AQR: variants seen among roughly 807,000 people sequenced by gnomAD.
The protein encoded by AQR is RNA helicase aquarius.
In AQR, 61 loss-of-function variants were observed where a neutral mutation model predicts 180.5. The ratio of observed to expected loss-of-function variants is 0.34; its 90% confidence interval spans 0.28 to 0.42. AQR has a LOEUF of 0.42. Ranked by LOEUF, AQR falls within the 10% of genes least tolerant of loss-of-function variation. The pLI is 1.00. For synonymous variants in AQR, 551 were observed against 588.8 expected (o/e 0.94, Z 0.93); for missense variants, 1,281 against 1,798.3 (o/e 0.71, Z 5.20).
intron 10 of AQR, 113 bp downstream of exon 10, chr15:34,934,458 T>C: frequency 6.4e-6 from 3 of 470,032 alleles, no homozygotes; most frequent in South Asian, 8.8e-5. Context: ...AATAAATATA[T>C]ACATATGTAT....
intron 13 of AQR, among the ~76,000 whole-genome samples, chr15:34,926,134 CG>C (rs1158312214): frequency 4.0e-5 from 6 of 150,680 alleles, no homozygotes; most frequent in African/African-American, 1.5e-4. Context: ...CTGGCCTGGG[CG>C]AAAGAGCGAG....
chr15:34,931,260 G>A (rs1893855160), intron 11 of AQR, among the ~76,000 whole-genome samples: 1 of 152,096 alleles, frequency 6.6e-6, no homozygotes, highest in African/African-American at 2.4e-5. Flanking sequence ...CTCCCCTGTA[G>A]CAGCAGCATC....
intron 5 of AQR, among the ~76,000 whole-genome samples, chr15:34,947,292 T>C (rs1381946346): frequency 6.6e-6 from 1 of 151,528 alleles, no homozygotes; most frequent in Non-Finnish European, 1.5e-5. Flanking sequence ...TGTGCTTTGT[T>C]AAACAGATGC....
At chr15:34,907,666 T>G (rs930725088) in intron 17 of AQR, among the ~76,000 whole-genome samples, 1 of 152,204 alleles carries the variant, frequency 6.6e-6, no homozygotes, top group Non-Finnish European at 1.5e-5. Context: ...AATACTGACT[T>G]AATTATTTCC....
chr15:34,886,693 C>A, intron 24 of AQR, 32 bp from the exon 25 acceptor site: 1 of 1,583,734 alleles, frequency 6.3e-7, no homozygotes, highest in Non-Finnish European at 8.5e-7. Flanking sequence ...AATGACAAAA[C>A]TGTAATAAAG....
At position 34,884,567 on chromosome 15, in the gene AQR, T is replaced by G; in HGVS notation, c.2985A>C (p.Glu995Asp). Residue 995 changes from glutamate (E) to aspartate (D), a missense_variant, in exon 26 of 35, where the codon GAA (glutamate) becomes GAC (aspartate). This residue lies in a region of AQR where 125 missense variants were observed against 185.0 expected (regional missense o/e 0.68). Coordinates refer to ENST00000156471, the MANE Select transcript of AQR (RefSeq NM_014691.3). The part of the protein sequence containing the change: ...RSYEEDMEIA[E>D]GCFRHIKKIF... ...TTTTCTTAATATGCCTGAAACATCC[T>G]TCAGCAATTTCCATGTCTTCTTCAT... is the stretch of plus-strand genomic sequence containing the variant. The G allele has an allele frequency of 6.2e-7, 1 of 1,603,228 alleles. No individual in the cohort carries two copies. Among genetic ancestry groups the G allele is most frequent in the Non-Finnish European group, 8.5e-7 (1 of 1,177,226 alleles).
At chr15:34,962,179 A>AC (rs2050283440) in intron 2 of AQR, among the ~76,000 whole-genome samples, 1 of 151,768 alleles carries the variant, frequency 6.6e-6, no homozygotes, top group Non-Finnish European at 1.5e-5. Context: ...ACACCACCAT[A>AC]CCCACCTAAT....
At chr15:34,913,251 C>G (rs1893526638) in intron 16 of AQR, among the ~76,000 whole-genome samples, 1 of 152,136 alleles carries the variant, frequency 6.6e-6, no homozygotes, top group Non-Finnish European at 1.5e-5. Context: ...CCTTTCTCTT[C>G]TTATAAAATC....
At chr15:34,923,072 T>C (rs1261181545) in intron 13 of AQR, among the ~76,000 whole-genome samples, 2 of 152,216 alleles carry the variant, frequency 1.3e-5, no homozygotes, top group African/African-American at 2.4e-5. Flanking sequence ...TAGTTAAGTA[T>C]AGTAGAATAA....
Position 34,875,921 on chromosome 15 carries a change from C to A in AQR, c.3237+14G>T. 2 of 1,590,388 alleles carry A rather than the reference C, an allele frequency of 1.3e-6. No individual in the cohort carries two copies. Among genetic ancestry groups the A allele is most frequent in the African/African-American group, 2.7e-5 (2 of 74,472 alleles). On this transcript the variant is annotated intron_variant, in intron 28 of 34. Coordinates refer to ENST00000156471, the MANE Select transcript of AQR (RefSeq NM_014691.3). The stretch of plus-strand genomic sequence containing the variant: ...GAACTCTATTTTCTTTGCCTCAGAT[C>A]TTATATTTCTTACCTGTAGAAGAAG...
chr15:34,894,569 A>G (rs967273968), intron 22 of AQR, among the ~76,000 whole-genome samples: 1 of 152,214 alleles, frequency 6.6e-6, no homozygotes, highest in Admixed American at 6.5e-5. Context: ...TCTGGAATGT[A>G]GAATAAATGG....
chr15:34,899,359 T>C (rs943822606), intron 20 of AQR, among the ~76,000 whole-genome samples: 2 of 152,012 alleles, frequency 1.3e-5, no homozygotes, highest in Non-Finnish European at 2.9e-5. Context: ...GTATAAAGGA[T>C]ACGTATATTT....
At chr15:34,944,005 TTTAGAGTTTCAGTTC>T (rs1474311397) in intron 6 of AQR, among the ~76,000 whole-genome samples, 6 of 152,224 alleles carry the variant, frequency 3.9e-5, no homozygotes, top group Non-Finnish European at 8.8e-5. Context: ...GTGCTCTCCC[TTTAGAGTTTCAGTTC>T]TTATAATCAT....
intron 22 of AQR, 48 bp from the exon 23 acceptor site, chr15:34,893,821 T>C: frequency 3.3e-6 from 5 of 1,520,236 alleles, no homozygotes; most frequent in African/African-American, 1.4e-5. Flanking sequence ...ATCACAGTTA[T>C]CACACATTGT....
intron 33 of AQR, among the ~76,000 whole-genome samples, chr15:34,860,698 T>C (rs1196382900): frequency 6.6e-6 from 1 of 152,216 alleles, no homozygotes; most frequent in Non-Finnish European, 1.5e-5. Context: ...TTGTCCTACT[T>C]ATATTTTTCT....
At chr15:34,865,306 G>A (rs556075268) in intron 32 of AQR, among the ~76,000 whole-genome samples, 57 of 152,010 alleles carry the variant, frequency 3.7e-4, no homozygotes, top group Admixed American at 2.1e-3. Context: ...AAATCAGTTC[G>A]GTACAAGAAC....
chr15:34,887,200 G>A (rs1298232793), intron 24 of AQR, among the ~76,000 whole-genome samples: 1 of 151,850 alleles, frequency 6.6e-6, no homozygotes, highest in Non-Finnish European at 1.5e-5. Context: ...TACTGGTCTA[G>A]GAGGAGGGAA....
intron 12 of AQR, 94 bp downstream of exon 12, chr15:34,930,164 T>C (rs569903946): frequency 4.7e-6 from 3 of 632,472 alleles, no homozygotes; most frequent in Non-Finnish European, 8.0e-6. Context: ...ACTATTAAAT[T>C]AACATGGTTT....
chr15:34,888,413 A>G (rs1893094251), intron 24 of AQR, among the ~76,000 whole-genome samples: 2 of 151,056 alleles, frequency 1.3e-5, no homozygotes, highest in Admixed American at 1.3e-4. Context: ...AAAAAGCAAC[A>G]TAAGGCTGGG....
Sources: gnomAD v4.1 joint callset for allele counts (sites outside exome capture counted in the v4.1 genomes callset) on GRCh38, gnomAD v4.1.1 for gene constraint, gnomAD v4.1.1 regional missense constraint, MANE v1.5 for transcripts, NCBI Gene and HGNC (gene_info 2026-07-23, HGNC 2026-07-21) for gene names.